The following ZBTB7C variants were observed in gnomAD, a reference collection of about 807,000 sequenced individuals.
The protein encoded by ZBTB7C is zinc finger and BTB domain-containing protein 7C.
Under a neutral mutation model 25.7 loss-of-function variants are expected in ZBTB7C, and 8 were observed. The ratio of observed to expected loss-of-function variants is 0.31; its 90% CI spans 0.18 to 0.56. The LOEUF (loss-of-function observed/expected upper bound fraction) is 0.56, where lower values mean the gene tolerates loss of function less well. ZBTB7C is among the 20% of genes least tolerant of loss of function. The probability of loss-of-function intolerance (pLI) is 0.91; values close to 1 mark genes in which losing one functional copy is unlikely to be tolerated. For missense variants in ZBTB7C, 824 were observed against 855.2 expected, an observed-to-expected ratio of 0.96 and a Z score of 0.46; for synonymous variants, 394 against 369.0, an observed-to-expected ratio of 1.07 and a Z score of -0.78.
chr18:48,193,001 G>T (rs1021498814), intron 2 of ZBTB7C, among the ~76,000 whole-genome samples: 6 of 152,144 alleles, frequency 3.9e-5, no homozygotes, highest in Non-Finnish European at 8.8e-5. Context: ...ACAACGCTCG[G>T]TGCCAATAAG....
chr18:48,407,521 T>C (rs1297693905), intron 1 of ZBTB7C, among the ~76,000 whole-genome samples: 2 of 152,116 alleles, frequency 1.3e-5, no homozygotes, highest in African/African-American at 4.8e-5. Context: ...GGGGGTGGCA[T>C]TTCTGATCTC....
At chr18:48,253,253 A>T (rs1276195847) in intron 2 of ZBTB7C, among the ~76,000 whole-genome samples, 1 of 152,188 alleles carries the variant, frequency 6.6e-6, no homozygotes, top group East Asian at 1.9e-4. Context: ...TGTGCCAGGG[A>T]TCTAGTCAAG....
intron 1 of ZBTB7C, among the ~76,000 whole-genome samples, chr18:48,394,860 A>G (rs1416410732): frequency 6.6e-6 from 1 of 152,244 alleles, no homozygotes; most frequent in Non-Finnish European, 1.5e-5. Flanking sequence ...CTTGGCAGAG[A>G]CTGAAGATGT....
chr18:48,057,606 A>G (rs2036968549), intron 3 of ZBTB7C, among the ~76,000 whole-genome samples: 1 of 152,220 alleles, frequency 6.6e-6, no homozygotes, highest in South Asian at 2.1e-4. Context: ...TTTCCTACAT[A>G]TACTCTTTGA....
At chr18:48,157,048 G>A (rs955580927) in intron 3 of ZBTB7C, among the ~76,000 whole-genome samples, 1 of 152,156 alleles carries the variant, frequency 6.6e-6, no homozygotes, top group African/African-American at 2.4e-5. Context: ...GTGGTCCAGG[G>A]TAGGCAAGCT....
chr18:48,327,121 C>T (rs1475666067), intron 2 of ZBTB7C, among the ~76,000 whole-genome samples: 7 of 152,156 alleles, frequency 4.6e-5, no homozygotes, highest in Admixed American at 2.6e-4. Context: ...TGCTGGGCAG[C>T]CTGCTCAGGC....
intron 2 of ZBTB7C, among the ~76,000 whole-genome samples, chr18:48,330,653 TAAAAAA>T (rs764929749): frequency 7.0e-6 from 1 of 143,062 alleles, no homozygotes; most frequent in Admixed American, 7.0e-5. Context: ...TTTCTGTATT[TAAAAAA>T]AAAAAAAACT....
At chr18:48,156,851 G>A (rs1035665838) in intron 3 of ZBTB7C, among the ~76,000 whole-genome samples, 1 of 151,784 alleles carries the variant, frequency 6.6e-6, no homozygotes. Flanking sequence ...AGCGAGTGAT[G>A]TTGGATAAGA....
intron 2 of ZBTB7C, among the ~76,000 whole-genome samples, chr18:48,186,664 T>A (rs1224419109): frequency 6.6e-6 from 1 of 152,144 alleles, no homozygotes; most frequent in African/African-American, 2.4e-5. Flanking sequence ...GTCATCACTG[T>A]AAAGTGTTGC....
chr18:48,106,302 G>A (rs1015044319), intron 3 of ZBTB7C, among the ~76,000 whole-genome samples: 1 of 150,558 alleles, frequency 6.6e-6, no homozygotes, highest in Non-Finnish European at 1.5e-5. Flanking sequence ...TAGACTTAAT[G>A]TTTGCCTCCT....
At chr18:48,350,898 A>C (rs1012810084) in intron 1 of ZBTB7C, among the ~76,000 whole-genome samples, 1 of 151,928 alleles carries the variant, frequency 6.6e-6, no homozygotes, top group South Asian at 2.1e-4. Flanking sequence ...ATACCCTTCC[A>C]GTCTGTGGAT....
chr18:48,325,673 T>G (rs1002494483), intron 2 of ZBTB7C, among the ~76,000 whole-genome samples: 1 of 152,214 alleles, frequency 6.6e-6, no homozygotes, highest in African/African-American at 2.4e-5. Context: ...GACTTTTGAT[T>G]TGATATCCAA....
At chr18:48,168,491 C>T (rs1193477450) in intron 3 of ZBTB7C, among the ~76,000 whole-genome samples, 2 of 152,092 alleles carry the variant, frequency 1.3e-5, no homozygotes, top group African/African-American at 4.8e-5. Context: ...TTTAAATCTA[C>T]GATATACAAA....
chr18:48,176,661 TTAAG>T (rs1272732283), intron 3 of ZBTB7C, among the ~76,000 whole-genome samples: 5 of 136,336 alleles, frequency 3.7e-5, no homozygotes, highest in African/African-American at 5.1e-5. Flanking sequence ...ACACAAATGA[TTAAG>T]CAAGTGCTGT....
chr18:48,313,730 G>C (rs188671367), intron 2 of ZBTB7C, among the ~76,000 whole-genome samples: 1 of 152,150 alleles, frequency 6.6e-6, no homozygotes, highest in Non-Finnish European at 1.5e-5. Context: ...ATGTCATCCC[G>C]CTTGGACCCA....
chr18:48,242,832 C>T (rs560076216), intron 2 of ZBTB7C, among the ~76,000 whole-genome samples: 127 of 152,236 alleles, frequency 8.3e-4, no homozygotes, highest in African/African-American at 3.1e-3. Context: ...CAACATAGTA[C>T]TGGAAGTCCT....
upstream of ZBTB7C, among the ~76,000 whole-genome samples, chr18:48,409,848 G>C (rs865901593): frequency 5.5e-5 from 8 of 146,626 alleles, no homozygotes; most frequent in African/African-American, 2.2e-4. Flanking sequence ...AGCCCCGGCA[G>C]AGGCGAGGGG....
chr18:48,248,564 T>C (rs1276276098), intron 2 of ZBTB7C, among the ~76,000 whole-genome samples: 1 of 152,200 alleles, frequency 6.6e-6, no homozygotes, highest in Non-Finnish European at 1.5e-5. Flanking sequence ...CTTTATTTTT[T>C]TCTTTATAAG....
intron 3 of ZBTB7C, chr18:48,149,710 C>T (rs1448456212): frequency 6.6e-6 from 1 of 152,192 alleles, no homozygotes; most frequent in Non-Finnish European, 1.5e-5. Flanking sequence ...AAAGAAAAGA[C>T]CCACTGTTTA....
Sources: gnomAD v4.1 joint callset for allele counts (sites outside exome capture counted in the v4.1 genomes callset) on GRCh38, gnomAD v4.1.1 for gene constraint, MANE v1.5 for transcripts, NCBI Gene and HGNC (gene_info 2026-07-23, HGNC 2026-07-21) for gene names.